FBXL2: variants seen among roughly 807,000 people sequenced by gnomAD.
FBXL2 encodes F-box/LRR-repeat protein 2.
In FBXL2, 38 loss-of-function variants were observed where a neutral mutation model predicts 69.2. That is an observed-to-expected ratio of 0.55 (90% CI 0.42 to 0.72). The LOEUF is 0.72. Ranked by LOEUF, FBXL2 falls within the 30% of genes least tolerant of loss-of-function variation. The probability of loss-of-function intolerance (pLI) is 0.00; values close to 1 mark genes in which losing one functional copy is unlikely to be tolerated. For missense variants in FBXL2, 354 were observed against 520.3 expected (o/e 0.68, Z 3.11); for synonymous variants, 192 against 201.3 (o/e 0.95, Z 0.39).
chr3:33,320,648 T>G (rs988074741), intron 2 of FBXL2, among the ~76,000 whole-genome samples: 1 of 152,002 alleles, frequency 6.6e-6, no homozygotes, highest in Admixed American at 6.6e-5. Context: ...GCCTGACTAA[T>G]TTTTGTATTT....
In FBXL2 at chr3:33,388,083, AAAAAG is replaced by A. The variant is rs1392981621; in HGVS notation, c.*2480_*2484del. ...AGACTCCGTCTCAAAAAAAAAAAAAAAAAAGAAAATCAGGTTTGCTTCCTTTTAAA... is the reference window on the plus strand; with the variant it reads ...AGACTCCGTCTCAAAAAAAAAAAAAAAAAATCAGGTTTGCTTCCTTTTAAA... On this transcript the variant is annotated 3_prime_UTR_variant, in exon 15 of 15. Transcript: ENST00000484457. 7.3e-5 allele frequency: 11 copies of A among 150,628 alleles called. No homozygotes were observed. The highest frequency in any genetic ancestry group is 2.7e-4 in the African/African-American group (11 of 40,790). 9.3% of individuals were successfully genotyped at this position (150,628 alleles called of 1,614,324 possible). A position where few individuals can be genotyped will look rare whatever the true frequency, so the allele number is the denominator to read the frequency against.
chr3:33,378,763 A>G, intron 13 of FBXL2, 22 bp downstream of exon 13: 3 of 1,614,086 alleles, frequency 1.9e-6, no homozygotes, highest in Non-Finnish European at 2.5e-6. Context: ...TTTTTCTGAC[A>G]TTATTCACCT....
intron 2 of FBXL2, among the ~76,000 whole-genome samples, chr3:33,301,048 A>G (rs537591092): frequency 6.6e-6 from 1 of 152,208 alleles, no homozygotes; most frequent in Admixed American, 6.5e-5. Flanking sequence ...AAGGGTTTGA[A>G]CCAGATTTCC....
Position 33,387,903 on chromosome 3 carries a change from C to T in FBXL2, c.*2295C>T, listed in dbSNP as rs2043559178. 6.6e-6 allele frequency: 1 copy of T among 151,788 alleles called. No homozygotes were observed. Among genetic ancestry groups the T allele is most frequent in the African/African-American group, 2.4e-5 (1 of 41,254 alleles). 9.4% of individuals were successfully genotyped at this position (151,788 alleles called of 1,614,324 possible). A position where few individuals can be genotyped will look rare whatever the true frequency, so the allele number is the denominator to read the frequency against. On this transcript the variant is annotated 3_prime_UTR_variant, in exon 15 of 15. Transcript: ENST00000484457. ...CTAACACAGTGAAACCCCGTCTCTA[C>T]TAAAAATACAAAAAAAATTAGCCGG...
At chr3:33,279,106 C>G (rs1377613787) in intron 1 of FBXL2, among the ~76,000 whole-genome samples, 3 of 152,076 alleles carry the variant, frequency 2.0e-5, no homozygotes, top group African/African-American at 7.2e-5. Flanking sequence ...CTTTGCTGAA[C>G]TTAATAATGC....
intron 2 of FBXL2, among the ~76,000 whole-genome samples, chr3:33,306,961 GTTATATT>G (rs1429027353): frequency 2.0e-5 from 3 of 152,028 alleles, no homozygotes; most frequent in Non-Finnish European, 2.9e-5. Context: ...AGTGCCTAGT[GTTATATT>G]TTATATAGGA....
chr3:33,316,732 A>G (rs544492886), intron 2 of FBXL2, among the ~76,000 whole-genome samples: 2 of 152,260 alleles, frequency 1.3e-5, no homozygotes, highest in South Asian at 4.1e-4. Flanking sequence ...TTGTGGGGAT[A>G]CTTTATCACT....
chr3:33,392,990 T>TAGACAAAAGG (rs569538993), downstream of FBXL2: 1,049 of 321,598 alleles, frequency 3.3e-3, 3 homozygotes, highest in Middle Eastern at 0.016. Flanking sequence ...CATCAAATAA[T>TAGACAAAAGG]AGACAAAAGG....
chr3:33,310,226 A>G (rs982204378), intron 2 of FBXL2, among the ~76,000 whole-genome samples: 2 of 152,080 alleles, frequency 1.3e-5, no homozygotes, highest in Non-Finnish European at 2.9e-5. Context: ...ATCTCAGCTC[A>G]CTGCAATCTC....
At chr3:33,297,030 A>T (rs913542772) in intron 1 of FBXL2, among the ~76,000 whole-genome samples, 1 of 152,126 alleles carries the variant, frequency 6.6e-6, no homozygotes, top group Non-Finnish European at 1.5e-5. Flanking sequence ...ATGAACATGG[A>T]TGTCTTTTGA....
At chr3:33,334,590 C>CA (rs911651100) in intron 2 of FBXL2, among the ~76,000 whole-genome samples, 2 of 151,832 alleles carry the variant, frequency 1.3e-5, no homozygotes, top group Non-Finnish European at 2.9e-5. Flanking sequence ...ATTGGAGGTG[C>CA]AAAAAAGAGA....
At chr3:33,299,474 T>G (rs759728054) in intron 2 of FBXL2, among the ~76,000 whole-genome samples, 1 of 152,236 alleles carries the variant, frequency 6.6e-6, no homozygotes, top group Admixed American at 6.5e-5. Context: ...GAGTTTTGTT[T>G]AAATATTGGG....
At chr3:33,402,933 G>T (rs943384659) in intron 12 of FBXL2, 4 of 1,538,830 alleles carry the variant, frequency 2.6e-6, no homozygotes, top group Non-Finnish European at 3.6e-6. Flanking sequence ...ATAAATTAGT[G>T]ATATGCTTTT....
chr3:33,374,403 A>G (rs558533206), intron 9 of FBXL2, among the ~76,000 whole-genome samples: 61 of 152,358 alleles, frequency 4.0e-4, no homozygotes, highest in Non-Finnish European at 7.1e-4. Flanking sequence ...ATGAAAAACT[A>G]TTGGTCCTTC....
downstream of FBXL2, chr3:33,392,713 G>C: frequency 8.8e-7 from 1 of 1,133,024 alleles, no homozygotes; most frequent in Non-Finnish European, 1.3e-6. Context: ...ACAAACACAG[G>C]ACTCAATGGC....
At chr3:33,407,751 T>A (rs950703978), downstream of FBXL2, among the ~76,000 whole-genome samples, 1 of 152,204 alleles carries the variant, frequency 6.6e-6, no homozygotes, top group Non-Finnish European at 1.5e-5. Context: ...GCGATATGTG[T>A]AAGAATGAAA....
At chr3:33,297,936 A>G in intron 2 of FBXL2, 2 of 595,948 alleles carry the variant, frequency 3.4e-6, no homozygotes, top group Non-Finnish European at 6.2e-6. Context: ...TGTACATAGC[A>G]TTGGTCTGGA....
chr3:33,395,471 A>T (rs1426502935), intron 12 of FBXL2, among the ~76,000 whole-genome samples: 1 of 152,144 alleles, frequency 6.6e-6, no homozygotes, highest in East Asian at 1.9e-4. Flanking sequence ...GGCCATATTT[A>T]GAGGTGAGAA....
At chr3:33,313,615 G>T (rs989265334) in intron 2 of FBXL2, among the ~76,000 whole-genome samples, 6 of 148,372 alleles carry the variant, frequency 4.0e-5, no homozygotes, top group South Asian at 2.1e-4. Flanking sequence ...TCAGATAATT[G>T]TTTTATTTTT....
Sources: allele counts gnomAD v4.1 joint callset (sites outside exome capture counted in the v4.1 genomes callset), GRCh38; gene constraint gnomAD v4.1.1; transcripts MANE v1.5; gene names NCBI Gene and HGNC (gene_info 2026-07-23, HGNC 2026-07-21).